CEP63: variants seen among roughly 807,000 people sequenced by gnomAD.
CEP63 encodes centrosomal protein of 63 kDa.
CEP63 carries 84 observed loss-of-function variants against 89.1 expected under a neutral mutation model. The observed-to-expected ratio is 0.94, with a 90% CI of 0.79 to 1.13. The LOEUF (loss-of-function observed/expected upper bound fraction) is 1.13. Ranked by LOEUF, CEP63 falls within the 50% of genes most tolerant of loss-of-function variation. The pLI is 0.00. For missense variants in CEP63, 838 were observed against 813.3 expected (o/e 1.03, Z -0.37); for synonymous variants, 267 against 272.5 (o/e 0.98, Z 0.20).
At chr3:134,709,156 A>C in the CEP63 span, among the ~76,000 whole-genome samples, 1 of 152,242 alleles carries the variant, frequency 6.6e-6, no homozygotes, top group Non-Finnish European at 1.5e-5. Flanking sequence ...CAGATGATAG[A>C]GCTTCCCATG....
At chr3:134,641,834 A>G in the CEP63 span, among the ~76,000 whole-genome samples, 2 of 152,262 alleles carry the variant, frequency 1.3e-5, no homozygotes, top group South Asian at 4.1e-4. Flanking sequence ...TCTCCTCACT[A>G]GGATGTCAGC....
chr3:134,756,309 T>C, the CEP63 span, among the ~76,000 whole-genome samples: 9 of 152,246 alleles, frequency 5.9e-5, no homozygotes, highest in Non-Finnish European at 7.3e-5. Context: ...CACTGTACTT[T>C]TGGCAAGGTG....
chr3:134,694,108 C>T, the CEP63 span, among the ~76,000 whole-genome samples: 2 of 152,196 alleles, frequency 1.3e-5, no homozygotes, highest in Non-Finnish European at 2.9e-5. Flanking sequence ...CCTCCAGGCC[C>T]CTGAGCATAG....
chr3:134,624,179 A>G, the CEP63 span, among the ~76,000 whole-genome samples: 1 of 150,812 alleles, frequency 6.6e-6, no homozygotes, highest in African/African-American at 2.4e-5. Flanking sequence ...CCTCTCCCCC[A>G]CCTCCCACCC....
chr3:134,745,066 C>G, the CEP63 span, among the ~76,000 whole-genome samples: 4 of 152,214 alleles, frequency 2.6e-5, no homozygotes, highest in African/African-American at 9.6e-5. Context: ...TTCCTCCTGT[C>G]CCTTTGTAAT....
chr3:134,597,668 T>A, the CEP63 span: 2 of 152,266 alleles, frequency 1.3e-5, no homozygotes, highest in African/African-American at 4.8e-5. Flanking sequence ...TCTGTACAGC[T>A]CCAGACTCTT....
intron 3 of CEP63, among the ~76,000 whole-genome samples, chr3:134,529,867 A>AATT (rs1949500291): frequency 9.8e-6 from 1 of 102,238 alleles, no homozygotes; most frequent in Admixed American, 1.4e-4. Flanking sequence ...AAGGTTAAGA[A>AATT]ATTTTTTTTT....
the CEP63 span, among the ~76,000 whole-genome samples, chr3:134,595,050 C>T: frequency 6.6e-6 from 1 of 152,152 alleles, no homozygotes; most frequent in Non-Finnish European, 1.5e-5. Context: ...CCAGTGCTCC[C>T]CACTGGTCTG....
chr3:134,741,393 G>A, the CEP63 span, among the ~76,000 whole-genome samples: 1 of 152,158 alleles, frequency 6.6e-6, no homozygotes, highest in Non-Finnish European at 1.5e-5. Context: ...GTTGTTAGGG[G>A]TAGAGAGTGA....
chr3:134,485,964 A>C (rs1576625786), upstream of CEP63: 118 of 963,254 alleles, frequency 1.2e-4, no homozygotes, highest in Middle Eastern at 1.1e-3. Flanking sequence ...GCACCCGGCC[A>C]CCGCGGCAGA....
At chr3:134,534,357 G>C (rs1417117219) in intron 5 of CEP63, among the ~76,000 whole-genome samples, 1 of 151,974 alleles carries the variant, frequency 6.6e-6, no homozygotes, top group Non-Finnish European at 1.5e-5. Context: ...ACCAATATAT[G>C]CCACCCCTCT....
At chr3:134,737,007 T>C in the CEP63 span, among the ~76,000 whole-genome samples, 5 of 152,238 alleles carry the variant, frequency 3.3e-5, no homozygotes, top group East Asian at 9.6e-4. Flanking sequence ...GTCAGACATA[T>C]ATGGGAAAGT....
the CEP63 span, chr3:134,651,421 G>C: frequency 9.2e-7 from 1 of 1,082,764 alleles, no homozygotes; most frequent in South Asian, 2.5e-5. Context: ...GGCAAATACA[G>C]AAATCGCACA....
the CEP63 span, among the ~76,000 whole-genome samples, chr3:134,767,934 GATGATTATTGATCAGTCAAAT>G: frequency 6.6e-6 from 1 of 152,176 alleles, no homozygotes; most frequent in Non-Finnish European, 1.5e-5. Context: ...TTGAGTGATG[GATGATTATTGATCAGTCAAAT>G]AAAACTAGGG....
intron 2 of CEP63, among the ~76,000 whole-genome samples, chr3:134,506,324 A>G (rs1227264024): frequency 6.6e-6 from 1 of 152,218 alleles, no homozygotes. Context: ...TGGCTGAAGG[A>G]TGAATTTCTT....
chr3:134,607,904 A>AG, the CEP63 span: 1 of 991,638 alleles, frequency 1.0e-6, no homozygotes, highest in Non-Finnish European at 1.2e-6. Flanking sequence ...GCCCTCATCC[A>AG]GGGGTGCCTG....
At chr3:134,669,708 A>C in the CEP63 span, among the ~76,000 whole-genome samples, 2 of 152,046 alleles carry the variant, frequency 1.3e-5, no homozygotes, top group African/African-American at 4.8e-5. Flanking sequence ...CTGTAGGACT[A>C]AAGTGTCTGG....
chr3:134,662,201 C>A, the CEP63 span, among the ~76,000 whole-genome samples: 1 of 151,536 alleles, frequency 6.6e-6, no homozygotes, highest in Non-Finnish European at 1.5e-5. Context: ...TGCTTGAACT[C>A]AGGAGGCAGA....
At chr3:134,526,898 A>G (rs1287858335) in intron 3 of CEP63, among the ~76,000 whole-genome samples, 1 of 145,558 alleles carries the variant, frequency 6.9e-6, no homozygotes, top group Non-Finnish European at 1.5e-5. Context: ...CCCAACTCCT[A>G]GACTGTGTGC....
Sources: gnomAD v4.1 joint callset for allele counts (sites outside exome capture counted in the v4.1 genomes callset) on GRCh38, gnomAD v4.1.1 for gene constraint, MANE v1.5 for transcripts, NCBI Gene and HGNC (gene_info 2026-07-23, HGNC 2026-07-21) for gene names.